Variants in SNAP25 observed in about 807,000 individuals in gnomAD.
SNAP25 encodes synaptosome associated protein 25, also known as synaptosomal-associated protein 25.
Under a neutral mutation model 28.7 loss-of-function variants are expected in SNAP25, and 3 were observed. That is an observed-to-expected ratio of 0.10 (90% CI 0.05 to 0.27). SNAP25 has a LOEUF of 0.27. Ranked by LOEUF, SNAP25 falls within the 10% of genes least tolerant of loss-of-function variation. The pLI is 1.00. For synonymous variants in SNAP25, 61 were observed against 88.1 expected (o/e 0.69, Z 1.72); for missense variants, 117 against 278.7 (o/e 0.42, Z 4.13).
At chr20:10,219,516 A>C (rs1293534678) in intron 1 of SNAP25, 1 of 151,868 alleles carries the variant, frequency 6.6e-6, no homozygotes, top group Non-Finnish European at 1.5e-5. Flanking sequence ...CGCCTGCTCC[A>C]CGTCAACTGC....
At chr20:10,285,696 G>A (rs1164689156) in intron 4 of SNAP25, among the ~76,000 whole-genome samples, 1 of 151,862 alleles carries the variant, frequency 6.6e-6, no homozygotes, top group Non-Finnish European at 1.5e-5. Context: ...GGGGGGGAAC[G>A]TGCCTGACAG....
At chr20:10,238,233 A>C (rs1027856283) in intron 1 of SNAP25, among the ~76,000 whole-genome samples, 11 of 152,200 alleles carry the variant, frequency 7.2e-5, no homozygotes, top group African/African-American at 2.7e-4. Flanking sequence ...TGGGGAAGGA[A>C]TCATGGAACC....
chr20:10,243,450 C>G (rs1399778960), intron 1 of SNAP25, among the ~76,000 whole-genome samples: 1 of 152,124 alleles, frequency 6.6e-6, no homozygotes, highest in African/African-American at 2.4e-5. Flanking sequence ...TCTGGGGCAC[C>G]ACATTGCATT....
chr20:10,274,359 T>C (rs2063649856), intron 1 of SNAP25, among the ~76,000 whole-genome samples: 1 of 152,224 alleles, frequency 6.6e-6, no homozygotes, highest in African/African-American at 2.4e-5. Flanking sequence ...GCCTTTGGCT[T>C]CCACATGCTT....
chr20:10,265,947 C>A (rs975542683), intron 1 of SNAP25, among the ~76,000 whole-genome samples: 1 of 152,210 alleles, frequency 6.6e-6, no homozygotes, highest in Admixed American at 6.5e-5. Flanking sequence ...GTCTGGGGAA[C>A]ACATTTGGAG....
At chr20:10,239,665 CA>C (rs1029959279) in intron 1 of SNAP25, among the ~76,000 whole-genome samples, 1 of 152,196 alleles carries the variant, frequency 6.6e-6, no homozygotes, top group African/African-American at 2.4e-5. Context: ...TTTCCACTTA[CA>C]AATGGGGAAA....
intron 7 of SNAP25, among the ~76,000 whole-genome samples, chr20:10,301,797 C>T (rs1339484910): frequency 2.0e-5 from 3 of 148,518 alleles, no homozygotes; most frequent in Non-Finnish European, 4.5e-5. Context: ...TTAAAAATCT[C>T]GTTTTCTGCT....
chr20:10,263,569 G>A (rs916333695), intron 1 of SNAP25, among the ~76,000 whole-genome samples: 7 of 152,130 alleles, frequency 4.6e-5, no homozygotes, highest in Non-Finnish European at 5.9e-5. Flanking sequence ...GTCTGTTCAC[G>A]CACTCCTGAG....
chr20:10,274,450 T>TAA (rs144436123), intron 1 of SNAP25, among the ~76,000 whole-genome samples: 1,706 of 152,246 alleles, frequency 0.011, 28 homozygotes, highest in African/African-American at 0.037. Flanking sequence ...AATCTCAAAA[T>TAA]AATTATGCTA....
At chr20:10,253,622 G>C (rs1463124223) in intron 1 of SNAP25, among the ~76,000 whole-genome samples, 1 of 152,164 alleles carries the variant, frequency 6.6e-6, no homozygotes, top group Non-Finnish European at 1.5e-5. Context: ...GGGCAGCCAA[G>C]GGTCCCATTC....
chr20:10,263,011 T>A (rs1488550958), intron 1 of SNAP25, among the ~76,000 whole-genome samples: 1 of 28,210 alleles, frequency 3.5e-5, no homozygotes, highest in East Asian at 4.4e-3. Flanking sequence ...GGGGTGCTCT[T>A]TTTTTTTTTT....
chr20:10,288,855 C>G (rs2063937335), intron 4 of SNAP25, among the ~76,000 whole-genome samples: 1 of 150,650 alleles, frequency 6.6e-6, no homozygotes, highest in Non-Finnish European at 1.5e-5. Context: ...AGTAGAGACA[C>G]AGAAGGACCT....
intron 6 of SNAP25, among the ~76,000 whole-genome samples, chr20:10,297,997 A>G (rs1600787459): frequency 1.3e-5 from 2 of 151,954 alleles, no homozygotes; most frequent in South Asian, 4.1e-4. Context: ...AAAAAAAAAA[A>G]ACTCAAGTTA....
At chr20:10,236,025 C>T (rs953803139) in intron 1 of SNAP25, among the ~76,000 whole-genome samples, 14 of 152,202 alleles carry the variant, frequency 9.2e-5, no homozygotes, top group Admixed American at 9.2e-4. Context: ...ATTATGCCAA[C>T]TATATTTACA....
intron 4 of SNAP25, among the ~76,000 whole-genome samples, chr20:10,288,330 T>C (rs554271913): frequency 1.3e-5 from 2 of 152,048 alleles, no homozygotes; most frequent in Non-Finnish European, 2.9e-5. Context: ...TAGAGCCTTT[T>C]CCCCCCGAAC....
chr20:10,265,927 G>T (rs2063498949), intron 1 of SNAP25, among the ~76,000 whole-genome samples: 1 of 152,150 alleles, frequency 6.6e-6, no homozygotes, highest in African/African-American at 2.4e-5. Context: ...CCCTGGTGAG[G>T]CCGATGCTGG....
intron 1 of SNAP25, among the ~76,000 whole-genome samples, chr20:10,261,787 G>A (rs890150377): frequency 1.3e-5 from 2 of 152,094 alleles, no homozygotes; most frequent in Admixed American, 6.6e-5. Flanking sequence ...GAGGCCCAGG[G>A]TTTTGGAAAA....
intron 1 of SNAP25, among the ~76,000 whole-genome samples, chr20:10,252,916 C>G (rs1473259217): frequency 1.3e-5 from 2 of 149,172 alleles, no homozygotes; most frequent in East Asian, 3.9e-4. Flanking sequence ...GATTCTCCAT[C>G]TGAAAAAAAA....
At chr20:10,306,098 C>T in intron 7 of SNAP25, 31 bp from the exon 8 acceptor site, 1 of 1,610,324 alleles carries the variant, frequency 6.2e-7, no homozygotes, top group Admixed American at 1.7e-5. Context: ...AAGGGGTAAC[C>T]TGAGTTCTGT....
Sources: allele counts gnomAD v4.1 joint callset (sites outside exome capture counted in the v4.1 genomes callset), GRCh38; gene constraint gnomAD v4.1.1; transcripts MANE v1.5; gene names NCBI Gene and HGNC (gene_info 2026-07-23, HGNC 2026-07-21).